The following KMT2C variants were observed in gnomAD, a reference collection of about 807,000 sequenced individuals.
The protein encoded by KMT2C is histone-lysine N-methyltransferase 2C.
In KMT2C, 88 loss-of-function variants were observed where a neutral mutation model predicts 507.9. The observed-to-expected ratio is 0.17, with a 90% CI of 0.15 to 0.21. The LOEUF (loss-of-function observed/expected upper bound fraction) is 0.21. Among genes scored for constraint, KMT2C ranks in the 10% least tolerant of loss-of-function variants. KMT2C has a pLI of 1.00. For missense variants in KMT2C, 4,954 were observed against 5,957.8 expected (o/e 0.83, Z 5.55); for synonymous variants, 2,049 against 2,080.8 (o/e 0.98, Z 0.42).
At chr7:152,218,447 A>G (rs1032651029) in intron 23 of KMT2C, among the ~76,000 whole-genome samples, 3 of 152,094 alleles carry the variant, frequency 2.0e-5, no homozygotes, top group Admixed American at 6.5e-5. Context: ...TACAGATTAT[A>G]GGCATGAGCC....
chr7:152,308,543 C>T (rs546676178), intron 6 of KMT2C, among the ~76,000 whole-genome samples: 9 of 151,734 alleles, frequency 5.9e-5, no homozygotes, highest in Non-Finnish European at 1.3e-4. Flanking sequence ...GGTGTGGTGG[C>T]ACGAGCCTAT....
chr7:152,162,563 C>A lies in KMT2C; in HGVS notation c.11014G>T (p.Ala3672Ser). Residue 3672 changes from alanine (A) to serine (S), a missense_variant, in exon 43 of 59, where the codon GCA becomes TCA. Ala to Ser is a moderately conservative substitution (Grantham distance 99, BLOSUM62 1). Coordinates refer to ENST00000262189, the MANE Select transcript of KMT2C (RefSeq NM_170606.3). Reference protein sequence around the residue: ...EPVGPSTPNMAAGQLCTELEN... With the variant: ...EPVGPSTPNMSAGQLCTELEN... ...AATTCTGTACATAGCTGGCCTGCTG[C>A]CATATTGGGAGTGGATGGGCCGACT... The A allele has an allele frequency of 6.2e-7, 1 of 1,614,200 alleles. No homozygotes were observed. Among genetic ancestry groups the A allele is most frequent in the Non-Finnish European group, 8.5e-7 (1 of 1,180,048 alleles).
intron 6 of KMT2C, among the ~76,000 whole-genome samples, chr7:152,275,197 A>G (rs1375748984): frequency 1.3e-5 from 2 of 152,238 alleles, no homozygotes; most frequent in South Asian, 2.1e-4. Context: ...CTGAATCAAC[A>G]TAACAAAGCT....
chr7:152,153,940 T>C (rs969754099), intron 48 of KMT2C, 70 bp downstream of exon 48: 2 of 1,463,666 alleles, frequency 1.4e-6, no homozygotes, highest in African/African-American at 1.4e-5. Context: ...TGTTTTATGG[T>C]AGACACCTGA....
Position 152,139,245 on chromosome 7 carries a change from G to A in KMT2C, c.14475C>T (p.Tyr4825=), listed in dbSNP as rs1339615840. 2 of 1,613,562 alleles carry A rather than the reference G, an allele frequency of 1.2e-6. No individual in the cohort carries two copies. Among genetic ancestry groups the A allele is most frequent in the Non-Finnish European group, 1.7e-6 (2 of 1,180,032 alleles). ...KLYESQNRGV[Y]MFRMDNDHVI... ...CATGGTCGTTATCCATGCGGAACATGTACACACCACGGTTCTGAGGGAAAA... is the reference window on the plus strand; with the variant it reads ...CATGGTCGTTATCCATGCGGAACATATACACACCACGGTTCTGAGGGAAAA... The change falls in exon 57 of 59, where the codon TAC becomes TAT. Residue 4825 remains tyrosine (Y), a synonymous_variant. Coordinates refer to ENST00000262189, the MANE Select transcript of KMT2C (RefSeq NM_170606.3).
chr7:152,322,527 T>C (rs2096781663), intron 3 of KMT2C, among the ~76,000 whole-genome samples: 1 of 151,996 alleles, frequency 6.6e-6, no homozygotes, highest in South Asian at 2.1e-4. Flanking sequence ...AATAAAATCA[T>C]ACCCTTGTCT....
At chr7:152,149,204 A>G (rs1234505172) in intron 51 of KMT2C, 52 bp from the exon 52 acceptor site, 3 of 1,442,370 alleles carry the variant, frequency 2.1e-6, no homozygotes, top group Non-Finnish European at 2.7e-6. Context: ...CAAGCCCGGA[A>G]AGCAATTCTT....
intron 22 of KMT2C, among the ~76,000 whole-genome samples, chr7:152,221,301 G>T (rs200858962): frequency 6.6e-6 from 1 of 152,166 alleles, no homozygotes; most frequent in African/African-American, 2.4e-5. Flanking sequence ...CCAATAAAAA[G>T]AGTTAGAAGC....
rs1333355079 is a variant in KMT2C at position 152,314,731 on chromosome 7, ATTATG to A, written c.590+402_590+406del. The stretch of plus-strand genomic sequence containing the variant: ...AAACCAATTCTGGATTTGCTATTGT[ATTATG>A]TTATATTCTTAAAATTAAAAGCTTA... On this transcript the variant is annotated intron_variant, in intron 4 of 58. Coordinates refer to ENST00000262189, the MANE Select transcript of KMT2C (RefSeq NM_170606.3). 2.0e-5 allele frequency among the ~76,000 whole-genome samples: 3 copies of A among 152,300 alleles called. No homozygotes were observed. The East Asian group carries it at 5.8e-4, about 29-fold the overall frequency.
chr7:152,246,115 T>G (rs1359897291), intron 14 of KMT2C, among the ~76,000 whole-genome samples: 2 of 152,212 alleles, frequency 1.3e-5, no homozygotes, highest in Admixed American at 1.3e-4. Context: ...TTCCTGCAAG[T>G]TATGGTCCCA....
At chr7:152,291,503 C>T (rs1242493395) in intron 6 of KMT2C, among the ~76,000 whole-genome samples, 4 of 152,234 alleles carry the variant, frequency 2.6e-5, no homozygotes, top group Non-Finnish European at 5.9e-5. Flanking sequence ...AGTCTTTCTG[C>T]TCCACAGTTA....
At chr7:152,168,871 G>A (rs1328359318) in intron 41 of KMT2C, among the ~76,000 whole-genome samples, 5 of 152,142 alleles carry the variant, frequency 3.3e-5, no homozygotes, top group African/African-American at 7.2e-5. Flanking sequence ...AGAGCAAAAC[G>A]TGGTTTAGTT....
At chr7:152,327,758 G>A (rs897166370) in intron 3 of KMT2C, among the ~76,000 whole-genome samples, 21 of 151,822 alleles carry the variant, frequency 1.4e-4, no homozygotes, top group Non-Finnish European at 2.9e-4. Flanking sequence ...GGAGATCAAG[G>A]CCATCCTGGC....
intron 2 of KMT2C, among the ~76,000 whole-genome samples, chr7:152,348,709 A>G (rs775244280): frequency 1.6e-4 from 25 of 152,058 alleles, no homozygotes; most frequent in Non-Finnish European, 3.2e-4. Context: ...ATATGAACAG[A>G]TGTTCCACAT....
At chr7:152,236,043 T>A (rs1335857244) in intron 15 of KMT2C, 110 bp from the exon 16 acceptor site, 1 of 632,150 alleles carries the variant, frequency 1.6e-6, no homozygotes, top group Admixed American at 2.9e-5. Flanking sequence ...AAACACTTCC[T>A]TAGATAAGTA....
At chr7:152,280,186 G>A (rs1406648596) in intron 6 of KMT2C, among the ~76,000 whole-genome samples, 3 of 152,132 alleles carry the variant, frequency 2.0e-5, no homozygotes, top group African/African-American at 4.8e-5. Context: ...AAAGAGCCAC[G>A]AGGAAAAACC....
chr7:152,362,153 CAG>C (rs1268683149), intron 1 of KMT2C, among the ~76,000 whole-genome samples: 1 of 152,136 alleles, frequency 6.6e-6, no homozygotes, highest in Non-Finnish European at 1.5e-5. Flanking sequence ...TTTTAAATAA[CAG>C]ATTTATAAAA....
intron 50 of KMT2C, 151 bp from the exon 51 acceptor site, chr7:152,151,158 T>G (rs1001148568): frequency 7.7e-6 from 5 of 645,556 alleles, no homozygotes; most frequent in Non-Finnish European, 1.3e-5. Flanking sequence ...ATTTAGCATG[T>G]GATAATTTAG....
chr7:152,260,747 T>A (rs1315162129), intron 9 of KMT2C, among the ~76,000 whole-genome samples: 2 of 152,246 alleles, frequency 1.3e-5, no homozygotes, highest in Non-Finnish European at 2.9e-5. Context: ...AATTTATAAT[T>A]ATTTTTAAAG....
Sources: gnomAD v4.1 joint callset for allele counts (sites outside exome capture counted in the v4.1 genomes callset) on GRCh38, gnomAD v4.1.1 for gene constraint, MANE v1.5 for transcripts, NCBI Gene and HGNC (gene_info 2026-07-23, HGNC 2026-07-21) for gene names.